ADAMTS7: variants seen among roughly 807,000 people sequenced by gnomAD.
ADAMTS7 encodes the protein A disintegrin and metalloproteinase with thrombospondin motifs 7.
Under a neutral mutation model 172.6 loss-of-function variants are expected in ADAMTS7, and 89 were observed. That is an observed-to-expected ratio of 0.52 (90% CI 0.43 to 0.61). ADAMTS7 has a LOEUF of 0.61. Among genes scored for constraint, ADAMTS7 ranks in the 20% least tolerant of loss-of-function variants. The probability of loss-of-function intolerance (pLI) is 0.00; values close to 1 mark genes in which losing one functional copy is unlikely to be tolerated. For synonymous variants in ADAMTS7, 885 were observed against 978.4 expected, an observed-to-expected ratio of 0.90 and a Z score of 1.78; for missense variants, 1,973 against 2,355.6, an observed-to-expected ratio of 0.84 and a Z score of 3.36.
chr15:78,775,551 A>G (rs1156640454), intron 11 of ADAMTS7, among the ~76,000 whole-genome samples: 4 of 150,094 alleles, frequency 2.7e-5, no homozygotes, highest in South Asian at 2.1e-4. Flanking sequence ...CACCCCCTGC[A>G]CCCCCACCCC....
At chr15:78,778,168 T>C (rs2055379547) in intron 8 of ADAMTS7, among the ~76,000 whole-genome samples, 1 of 152,214 alleles carries the variant, frequency 6.6e-6, no homozygotes, top group Non-Finnish European at 1.5e-5. Context: ...TATCTACTCC[T>C]GCCTTCCTCC....
chr15:78,759,441 G>T lies in ADAMTS7; in HGVS notation c.5041C>A (p.Gln1681Lys), dbSNP rs751660703. 3 of 1,595,144 alleles carry T rather than the reference G, an allele frequency of 1.9e-6. No individual in the cohort carries two copies. Among genetic ancestry groups the T allele is most frequent in the Non-Finnish European group, 2.5e-6 (3 of 1,176,688 alleles). The stretch of plus-strand genomic sequence containing the variant: ...CGCAGTCAGCGGCGGGCAACCCGCT[G>T]ATGGCCTCGGGAGGGGGCGCCGTGG... Reference protein sequence around the residue: ...PSHGAPSRGHQRVARR With the variant: ...PSHGAPSRGHKRVARR Residue 1681 changes from glutamine (Q) to lysine (K), a missense_variant, in exon 24 of 24, where the codon CAG becomes AAG. By Grantham distance (53) the Gln-to-Lys change is moderately conservative. Transcript: ENST00000388820.
At chr15:78,760,693 A>G (rs2055029450) in intron 23 of ADAMTS7, among the ~76,000 whole-genome samples, 1 of 152,148 alleles carries the variant, frequency 6.6e-6, no homozygotes, top group South Asian at 2.1e-4. Context: ...TGTCCCGCCA[A>G]CTGTCCCACA....
In ADAMTS7 at chr15:78,771,711, A is replaced by G; in HGVS notation, c.2250T>C (p.Asn750=). ...CGTTCCACTGGATGGTCCAGCCACC[A>G]TTGAGGAAGTACTTCTCCGGGTCCT... The part of the protein sequence containing the change: ...RSEDPEKYFL[N]GGWTIQWNGD... Residue 750 remains asparagine (N), a synonymous_variant, in exon 15 of 24, where the codon AAT becomes AAC. Transcript: ENST00000388820. The surrounding 1 kb of genome is among the most constrained non-coding windows in gnomAD (Gnocchi z 4.9). 1 of 1,608,506 alleles carries G rather than the reference A, an allele frequency of 6.2e-7. No homozygotes were observed. Among genetic ancestry groups the G allele is most frequent in the Non-Finnish European group, 8.5e-7 (1 of 1,179,984 alleles).
intron 8 of ADAMTS7, among the ~76,000 whole-genome samples, chr15:78,784,318 T>C (rs1351778642): frequency 1.3e-5 from 2 of 149,622 alleles, no homozygotes; most frequent in East Asian, 2.0e-4. Context: ...TGAGCCATGA[T>C]TGTGGCACTG....
rs551376349 is a variant in ADAMTS7 at position 78,778,839 on chromosome 15, C to G, written c.1323-1251G>C. 3.1e-3 allele frequency among the ~76,000 whole-genome samples: 471 copies of G among 151,376 alleles called. 2 individuals are homozygous for G. The highest frequency in any genetic ancestry group is 0.011 in the African/African-American group (459 of 40,810). On this transcript the variant is annotated intron_variant, in intron 8 of 23. Coordinates refer to ENST00000388820, the MANE Select transcript of ADAMTS7 (RefSeq NM_014272.5). ...GGGAAGAAGGGCAAAGGTGATAGAT[C>G]CTGGAGTCCAGCAGGGAGAGAAAGA...
chr15:78,768,179 G>C lies in ADAMTS7; in HGVS notation c.2599C>G (p.Pro867Ala), dbSNP rs1178712234. The C allele has an allele frequency of 6.2e-7, 1 of 1,608,782 alleles. No homozygotes were observed. Among genetic ancestry groups the C allele is most frequent in the Non-Finnish European group, 8.5e-7 (1 of 1,179,138 alleles). The change falls in exon 17 of 24, where the codon CCT becomes GCT. Residue 867 changes from proline (P) to alanine (A), a missense_variant. Around this residue, in one of 8 missense-constraint regions of ADAMTS7, gnomAD observed 771 missense variants for 952.6 expected, o/e 0.81. Coordinates refer to ENST00000388820, the MANE Select transcript of ADAMTS7 (RefSeq NM_014272.5). Reference protein sequence around the residue: ...DEEHCDPLGRPDDQQRKCSEQ... With the variant: ...DEEHCDPLGRADDQQRKCSEQ... ...CTGCACTTCCTCTGTTGGTCATCAG[G>C]CCGGCCCAGGGGGTCACAGTGCTCC...
chr15:78,762,944 G>A (rs1413874589), intron 22 of ADAMTS7, among the ~76,000 whole-genome samples: 1 of 152,184 alleles, frequency 6.6e-6, no homozygotes, highest in Non-Finnish European at 1.5e-5. Context: ...CGAGGGACAG[G>A]GCAGAGGACC....
intron 1 of ADAMTS7, among the ~76,000 whole-genome samples, chr15:78,802,933 G>T (rs1315108326): frequency 1.3e-5 from 2 of 152,090 alleles, no homozygotes; most frequent in African/African-American, 4.8e-5. Context: ...GGAGGTGGAG[G>T]TTGTAGTGAG....
chr15:78,795,148 T>C (rs971039906), intron 4 of ADAMTS7, among the ~76,000 whole-genome samples: 6 of 152,220 alleles, frequency 3.9e-5, no homozygotes, highest in African/African-American at 1.4e-4. Context: ...CCCAAAGTGC[T>C]GAGAATGAGA....
At chr15:78,797,168 G>C (rs1028979561) in intron 3 of ADAMTS7, among the ~76,000 whole-genome samples, 2 of 152,222 alleles carry the variant, frequency 1.3e-5, no homozygotes, top group Admixed American at 1.3e-4. Flanking sequence ...TGGGGGCTTA[G>C]TGCATCCCAA....
At chr15:78,792,243 C>T (rs1423447250) in intron 4 of ADAMTS7, among the ~76,000 whole-genome samples, 1 of 152,162 alleles carries the variant, frequency 6.6e-6, no homozygotes, top group Non-Finnish European at 1.5e-5. Context: ...GCCCGGGAGC[C>T]TTGAACCACC....
Position 78,771,367 on chromosome 15 carries a change from A to C in ADAMTS7, c.2377-64T>G, listed in dbSNP as rs2055245751. 5.6e-6 allele frequency: 9 copies of C among 1,607,910 alleles called. No homozygotes were observed. In the Admixed American group the frequency reaches 1.0e-4, roughly 18 times the overall value. On this transcript the variant is annotated intron_variant, in intron 15 of 23. Coordinates refer to ENST00000388820, the MANE Select transcript of ADAMTS7 (RefSeq NM_014272.5). The surrounding 1 kb of genome is among the most constrained non-coding windows in gnomAD (Gnocchi z 4.9). The stretch of plus-strand genomic sequence containing the variant: ...TTCTCCATCCACCCAGTCCTAAAGG[A>C]GCTGACCCCAGCCACCTCTGTGAAC...
intron 4 of ADAMTS7, among the ~76,000 whole-genome samples, chr15:78,793,918 A>G (rs1353223402): frequency 6.6e-6 from 1 of 152,146 alleles, no homozygotes; most frequent in Non-Finnish European, 1.5e-5. Context: ...TAGCTGCGTG[A>G]CCTTGAGCGA....
chr15:78,796,920 C>T (rs2055653500), intron 3 of ADAMTS7, 134 bp from the exon 4 acceptor site: 5 of 770,282 alleles, frequency 6.5e-6, no homozygotes, highest in East Asian at 5.4e-5. Flanking sequence ...GGCCTGAATT[C>T]GCCTCCTGGC....
chr15:78,811,060 G>C, intron 1 of ADAMTS7, 61 bp downstream of exon 1: 1 of 1,226,290 alleles, frequency 8.2e-7, no homozygotes, highest in Non-Finnish European at 1.0e-6. Context: ...GGACAAAACC[G>C]AGACTGGGGG....
chr15:78,764,388 C>T (rs1305116253), intron 20 of ADAMTS7, among the ~76,000 whole-genome samples, 167 bp downstream of exon 20: 3 of 152,212 alleles, frequency 2.0e-5, no homozygotes, highest in Non-Finnish European at 2.9e-5. Context: ...CCAAGCCAGA[C>T]AAAGATGAGA....
chr15:78,783,363 G>A (rs1193015109), intron 8 of ADAMTS7, among the ~76,000 whole-genome samples: 3 of 152,132 alleles, frequency 2.0e-5, no homozygotes, highest in African/African-American at 4.8e-5. Flanking sequence ...TCTGCCTCCC[G>A]GGTTCAAGCG....
At chr15:78,788,462 C>T in intron 7 of ADAMTS7, 88 bp from the exon 8 acceptor site, 1 of 1,508,326 alleles carries the variant, frequency 6.6e-7, no homozygotes, top group Non-Finnish European at 9.0e-7. Context: ...GGTGCGCAGT[C>T]CTAGTTCCCA....
Sources: gnomAD v4.1 joint callset for allele counts (sites outside exome capture counted in the v4.1 genomes callset) on GRCh38, gnomAD v4.1.1 for gene constraint, gnomAD v4.1.1 regional missense constraint, Gnocchi (gnomAD v3.1) non-coding constraint, MANE v1.5 for transcripts, NCBI Gene and HGNC (gene_info 2026-07-23, HGNC 2026-07-21) for gene names.